Variants in TAOK1 observed in about 807,000 individuals in gnomAD.
TAOK1 encodes serine/threonine-protein kinase TAO1.
Under a neutral mutation model 138.3 loss-of-function variants are expected in TAOK1, and 21 were observed. The ratio of observed to expected loss-of-function variants is 0.15; its 90% CI spans 0.11 to 0.22. The LOEUF (loss-of-function observed/expected upper bound fraction) is 0.22. Among genes scored for constraint, TAOK1 ranks in the 10% least tolerant of loss-of-function variants. The pLI, the probability that TAOK1 is intolerant of heterozygous loss-of-function variation, is 1.00. For synonymous variants in TAOK1, 361 were observed against 398.4 expected (o/e 0.91, Z 1.12); for missense variants, 651 against 1,227.7 (o/e 0.53, Z 7.02).
chr17:29,508,154 C>G (rs1251409110), intron 14 of TAOK1, 22 bp downstream of exon 14: 3 of 1,596,370 alleles, frequency 1.9e-6, no homozygotes, highest in Middle Eastern at 1.7e-4. Context: ...AGTATTATTA[C>G]TTTGCTTATT....
chr17:29,481,199 T>TC (rs2031055792), intron 7 of TAOK1, among the ~76,000 whole-genome samples: 1 of 148,012 alleles, frequency 6.8e-6, no homozygotes, highest in Non-Finnish European at 1.5e-5. Flanking sequence ...AATTAGACTT[T>TC]TTTTTTTTTT....
intron 1 of TAOK1, among the ~76,000 whole-genome samples, chr17:29,448,061 TC>T (rs2030140382): frequency 6.6e-6 from 1 of 150,744 alleles, no homozygotes; most frequent in Non-Finnish European, 1.5e-5. Flanking sequence ...TGTGTTCCTC[TC>T]AAGCTTTCTT....
At position 29,411,636 on chromosome 17, in the gene TAOK1, A is replaced by G. The variant is rs1052778308; in HGVS notation, c.-95+20612A>G. Among the ~76,000 whole-genome samples, 4 of 141,962 alleles carry G rather than the reference A, an allele frequency of 2.8e-5. No individual in the cohort carries two copies. In the East Asian group the frequency reaches 8.5e-4, roughly 30 times the overall value. The allele number at this position is 141,962 out of a possible 152,430, so 93.1% of individuals were successfully genotyped here. A position where few individuals can be genotyped will look rare whatever the true frequency, so the allele number is the denominator to read the frequency against. On this transcript the variant is annotated intron_variant, in intron 1 of 19. Coordinates refer to ENST00000261716, the MANE Select transcript of TAOK1 (RefSeq NM_020791.4). The stretch of plus-strand genomic sequence containing the variant: ...TCAAACTCCTGACCTCAAGTAATCC[A>G]CCTGCCTCTGCCACCCAAAGTGCTG...
intron 15 of TAOK1, chr17:29,513,462 G>A (rs2031759383): frequency 6.6e-6 from 1 of 152,128 alleles, no homozygotes; most frequent in African/African-American, 2.4e-5. Context: ...TTAGCTTTAT[G>A]GATTAGTTTG....
At chr17:29,503,137 C>G (rs767385029) in intron 13 of TAOK1, among the ~76,000 whole-genome samples, 23 of 152,250 alleles carry the variant, frequency 1.5e-4, no homozygotes, top group Admixed American at 8.5e-4. Flanking sequence ...TGGCTCATGC[C>G]TGTAATCCCA....
intron 3 of TAOK1, among the ~76,000 whole-genome samples, chr17:29,475,148 C>T (rs1288898149): frequency 6.6e-6 from 1 of 152,090 alleles, no homozygotes; most frequent in Admixed American, 6.6e-5. Flanking sequence ...ACCATGTTGG[C>T]CAGGATGGTC....
At chr17:29,394,045 C>T (rs1234019640) in intron 1 of TAOK1, among the ~76,000 whole-genome samples, 2 of 148,816 alleles carry the variant, frequency 1.3e-5, no homozygotes, top group East Asian at 3.9e-4. Context: ...GCCCATGTTA[C>T]GATGCCATTT....
intron 2 of TAOK1, among the ~76,000 whole-genome samples, chr17:29,454,361 AC>A: frequency 6.6e-6 from 1 of 151,936 alleles, no homozygotes; most frequent in Middle Eastern, 3.2e-3. Context: ...TATTCCTCCA[AC>A]TTTGTTATTC....
chr17:29,407,669 ACTC>A (rs1905031846), intron 1 of TAOK1, among the ~76,000 whole-genome samples: 1 of 151,514 alleles, frequency 6.6e-6, no homozygotes, highest in African/African-American at 2.4e-5. Flanking sequence ...CTGGTCTCGA[ACTC>A]CTGGGCTCAA....
At chr17:29,500,553 C>T (rs1380967267) in intron 12 of TAOK1, among the ~76,000 whole-genome samples, 2 of 151,848 alleles carry the variant, frequency 1.3e-5, no homozygotes, top group Non-Finnish European at 1.5e-5. Flanking sequence ...CCATCCTGGC[C>T]AACATGGTGA....
rs1032250878 is a variant in TAOK1, at chr17:29,551,789, G to C, written c.*8767G>C. On this transcript the variant is annotated 3_prime_UTR_variant, in exon 20 of 20. Transcript: ENST00000261716. The stretch of plus-strand genomic sequence containing the variant: ...ATTAAAAGCTGTTACCAAGTTGTCA[G>C]AACATAAGAGCGAAAACAAGGTCAT... 3 of 152,598 alleles carry C rather than the reference G, an allele frequency of 2.0e-5. No homozygotes were observed. Among genetic ancestry groups the C allele is most frequent in the Non-Finnish European group, 2.9e-5 (2 of 68,014 alleles). 9.5% of individuals were successfully genotyped at this position (152,598 alleles called of 1,614,324 possible). A position where few individuals can be genotyped will look rare whatever the true frequency, so the allele number is the denominator to read the frequency against.
At chr17:29,408,827 C>T (rs1485786516) in intron 1 of TAOK1, among the ~76,000 whole-genome samples, 2 of 152,066 alleles carry the variant, frequency 1.3e-5, no homozygotes, top group Non-Finnish European at 2.9e-5. Context: ...ATTCTCCTGC[C>T]TCAGCCTCCC....
intron 3 of TAOK1, among the ~76,000 whole-genome samples, chr17:29,468,135 ATTTT>A (rs761962930): frequency 3.9e-5 from 3 of 76,056 alleles, no homozygotes; most frequent in South Asian, 4.5e-4. Context: ...CCTGCTTTCA[ATTTT>A]TTTTTTTTTT....
chr17:29,422,752 GTGCTAC>G, intron 1 of TAOK1, among the ~76,000 whole-genome samples: 1 of 152,268 alleles, frequency 6.6e-6, no homozygotes, highest in Admixed American at 6.5e-5. Context: ...GAGGATGGGC[GTGCTAC>G]TGCACGCCTA....
At chr17:29,532,568 A>T (rs1048914610) in intron 18 of TAOK1, among the ~76,000 whole-genome samples, 6 of 152,094 alleles carry the variant, frequency 3.9e-5, no homozygotes, top group African/African-American at 1.4e-4. Flanking sequence ...TGCTGCCTTC[A>T]AGCATCTGTT....
At chr17:29,476,843 T>TTTTA (rs1013065283) in intron 4 of TAOK1, among the ~76,000 whole-genome samples, 1 of 151,390 alleles carries the variant, frequency 6.6e-6, no homozygotes, top group Non-Finnish European at 1.5e-5. Flanking sequence ...TTTTTTAAAA[T>TTTTA]TTTATTTATT....
chr17:29,418,634 A>T (rs1905329518), intron 1 of TAOK1, among the ~76,000 whole-genome samples: 1 of 152,222 alleles, frequency 6.6e-6, no homozygotes. Context: ...ACCTACATAC[A>T]TCTTCCTGTA....
chr17:29,532,618 CCT>C (rs1245030593), intron 18 of TAOK1, among the ~76,000 whole-genome samples: 1 of 152,062 alleles, frequency 6.6e-6, no homozygotes, highest in African/African-American at 2.4e-5. Context: ...TCCATTTAAC[CCT>C]GAGTGGACAC....
intron 1 of TAOK1, among the ~76,000 whole-genome samples, chr17:29,408,902 G>A (rs1004920419): frequency 2.0e-5 from 3 of 151,652 alleles, no homozygotes; most frequent in African/African-American, 4.8e-5. Context: ...TAGTAGAGAC[G>A]GGGTTTCACT....
Sources: gnomAD v4.1 joint callset for allele counts (sites outside exome capture counted in the v4.1 genomes callset) on GRCh38, gnomAD v4.1.1 for gene constraint, MANE v1.5 for transcripts, NCBI Gene and HGNC (gene_info 2026-07-23, HGNC 2026-07-21) for gene names.